The following ALDH4A1 variants were observed in gnomAD, a reference collection of about 807,000 sequenced individuals.
ALDH4A1 encodes the protein aldehyde dehydrogenase 4 family member A1, also known as delta-1-pyrroline-5-carboxylate dehydrogenase, mitochondrial.
In ALDH4A1, 46 loss-of-function variants were observed where a neutral mutation model predicts 70.5. The ratio of observed to expected loss-of-function variants is 0.65; its 90% CI spans 0.51 to 0.83. The LOEUF is 0.83. Among genes scored for constraint, ALDH4A1 ranks in the 40% least tolerant of loss-of-function variants. The probability of loss-of-function intolerance (pLI) is 0.00; values close to 1 mark genes in which losing one functional copy is unlikely to be tolerated. For missense variants in ALDH4A1, 749 were observed against 766.5 expected, an observed-to-expected ratio of 0.98 and a Z score of 0.27; for synonymous variants, 323 against 324.3, an observed-to-expected ratio of 1.00 and a Z score of 0.04.
intron 1 of ALDH4A1, among the ~76,000 whole-genome samples, chr1:18,895,065 T>C (rs1935571960): frequency 6.6e-6 from 1 of 152,138 alleles, no homozygotes; most frequent in Non-Finnish European, 1.5e-5. Context: ...TTATTCCACA[T>C]GGCAACGATG....
chr1:18,875,311 C>A lies in ALDH4A1; in HGVS notation c.1460+71G>T, dbSNP rs569218986. 2.5e-6 allele frequency: 4 copies of A among 1,611,472 alleles called. No individual in the cohort carries two copies. In the African/African-American group the frequency reaches 4.0e-5, roughly 16 times the overall value. ...CAGCATTATTACTGGGAACCACGTC[C>A]AGGAGGTGGGGATGGGGACACGGAC... On this transcript the variant is annotated intron_variant, in intron 13 of 14. Coordinates refer to ENST00000375341, the MANE Select transcript of ALDH4A1 (RefSeq NM_003748.4).
intron 1 of ALDH4A1, among the ~76,000 whole-genome samples, chr1:18,892,894 T>C (rs1316980832): frequency 6.6e-6 from 1 of 152,018 alleles, no homozygotes; most frequent in African/African-American, 2.4e-5. Flanking sequence ...ATGAGAAGAA[T>C]GGAGAGGCAG....
At chr1:18,877,080 G>A (rs1034518189) in intron 11 of ALDH4A1, 128 bp downstream of exon 11, 5 of 1,204,886 alleles carry the variant, frequency 4.1e-6, no homozygotes, top group Non-Finnish European at 6.0e-6. Context: ...TGTGGCTGCT[G>A]AGCTGCCTTG....
chr1:18,886,642 A>G, intron 3 of ALDH4A1, 131 bp from the exon 4 acceptor site: 1 of 980,740 alleles, frequency 1.0e-6, no homozygotes, highest in Non-Finnish European at 1.6e-6. Flanking sequence ...CCCCGCTCCC[A>G]TGAAACCCTC....
chr1:18,883,854 G>A (rs1031177632), intron 5 of ALDH4A1, among the ~76,000 whole-genome samples: 15 of 152,202 alleles, frequency 9.9e-5, no homozygotes, highest in Non-Finnish European at 1.0e-4. Flanking sequence ...AGAGAGACTC[G>A]GTGTGTGGGA....
intron 1 of ALDH4A1, chr1:18,897,281 G>T: frequency 3.0e-6 from 1 of 333,952 alleles, no homozygotes; most frequent in Non-Finnish European, 6.1e-6. Context: ...AGTGGCTCAT[G>T]CCTATAATCC....
At chr1:18,885,841 C>A (rs532691026) in intron 4 of ALDH4A1, among the ~76,000 whole-genome samples, 1 of 152,332 alleles carries the variant, frequency 6.6e-6, no homozygotes. Context: ...AAGGGCCCGG[C>A]CAGGTTGGTC....
chr1:18,882,659 A>G (rs555389844), intron 7 of ALDH4A1: 22 of 542,108 alleles, frequency 4.1e-5, no homozygotes, highest in Non-Finnish European at 8.3e-5. Context: ...CAGAGTCACA[A>G]CTCCCTCTCG....
rs767092438 is a variant in ALDH4A1, at chr1:18,874,438, C to A, written c.1579+25G>T. On this transcript the variant is annotated intron_variant, in intron 14 of 14. Transcript: ENST00000375341. ...GGTCTCCCACCAGGAACTCAGCTCC[C>A]CTGTGGGAAGGGGGACCCACTCACC... 2.5e-6 allele frequency: 4 copies of A among 1,608,088 alleles called. No homozygotes were observed. In the East Asian group the frequency reaches 6.7e-5, roughly 27 times the overall value.
chr1:18,873,004 T>A, intron 14 of ALDH4A1, 47 bp from the exon 15 acceptor site: 1 of 1,504,138 alleles, frequency 6.6e-7, no homozygotes, highest in Non-Finnish European at 9.2e-7. Context: ...TGCAACAGCC[T>A]GGGCAGAAGG....
rs1935299505 is a variant in ALDH4A1 at position 18,888,330 on chromosome 1, A to T, written c.249+1032T>A. Among the ~76,000 whole-genome samples the T allele has an allele frequency of 1.3e-5, 2 of 152,200 alleles. 1 individual carries two copies. Among genetic ancestry groups the T allele is most frequent in the South Asian group, 4.1e-4 (2 of 4,828 alleles). On this transcript the variant is annotated intron_variant, in intron 3 of 14. Transcript: ENST00000375341. The stretch of plus-strand genomic sequence containing the variant: ...AGAAGGTGGCTGCGACCTGGGCCCC[A>T]GTGGACTGCAGAACCCCGTCAGCAC...
At chr1:18,876,830 TG>T (rs1202989644) in intron 11 of ALDH4A1, among the ~76,000 whole-genome samples, 1 of 152,096 alleles carries the variant, frequency 6.6e-6, no homozygotes, top group Non-Finnish European at 1.5e-5. Context: ...TGCGTGTGGG[TG>T]GACTTATCGA....
At chr1:18,874,196 G>A (rs1306148747) in intron 14 of ALDH4A1, among the ~76,000 whole-genome samples, 1 of 152,248 alleles carries the variant, frequency 6.6e-6, no homozygotes, top group East Asian at 1.9e-4. Flanking sequence ...TGGCTATGGT[G>A]CAGAAAGTGC....
chr1:18,878,691 G>A (rs998171445), intron 9 of ALDH4A1, among the ~76,000 whole-genome samples: 1 of 152,206 alleles, frequency 6.6e-6, no homozygotes, highest in Non-Finnish European at 1.5e-5. Context: ...CCTTGAAGAT[G>A]TGCCATGCGT....
In ALDH4A1 at chr1:18,885,553, C is replaced by T. The variant is rs1355942811; in HGVS notation, c.373G>A (p.Ala125Thr). 1 of 1,611,640 alleles carries T rather than the reference C, an allele frequency of 6.2e-7. No individual in the cohort carries two copies. The highest frequency in any genetic ancestry group is 1.7e-5 in the Admixed American group (1 of 59,614). The change falls in exon 5 of 15, where the codon GCC becomes ACC. Residue 125 changes from alanine (A) to threonine (T), a missense_variant. Physicochemically the swap from Ala to Thr is moderately conservative, Grantham distance 58. Transcript: ENST00000375341. Reference sequence around the variant, plus strand: ...TCTGCCGCCTTCAGGAAGATCTGGGCCCGGTCTGCAATAGGCTTCAGGTCC... The same window carrying T: ...TCTGCCGCCTTCAGGAAGATCTGGGTCCGGTCTGCAATAGGCTTCAGGTCC... Reference protein sequence around the residue: ...EWDLKPIADRAQIFLKAADML... With the variant: ...EWDLKPIADRTQIFLKAADML...
At chr1:18,877,085 G>T in intron 11 of ALDH4A1, 123 bp downstream of exon 11, 1 of 1,259,262 alleles carries the variant, frequency 7.9e-7, no homozygotes, top group Non-Finnish European at 1.1e-6. Context: ...CTGCTGAGCT[G>T]CCTTGATCAA....
intron 7 of ALDH4A1, chr1:18,882,745 G>T: frequency 8.7e-6 from 5 of 574,960 alleles, no homozygotes; most frequent in South Asian, 7.0e-5. Context: ...AGCACTGAAG[G>T]TCAGCGGTAA....
At chr1:18,873,409 A>G (rs1312838485) in intron 14 of ALDH4A1, among the ~76,000 whole-genome samples, 1 of 152,140 alleles carries the variant, frequency 6.6e-6, no homozygotes, top group African/African-American at 2.4e-5. Flanking sequence ...TTCTAATCAC[A>G]CATGAGTTTA....
In ALDH4A1 at chr1:18,896,753, C is replaced by T. The variant is rs566877074; in HGVS notation, c.62+5709G>A. Reference sequence around the variant, plus strand: ...ACTAAAAATACAAAAATTAGCTGGACATGGTGGCACATGCCTGTAATCCCA... The same window carrying T: ...ACTAAAAATACAAAAATTAGCTGGATATGGTGGCACATGCCTGTAATCCCA... On this transcript the variant is annotated intron_variant, in intron 1 of 14. Transcript: ENST00000375341. Among the ~76,000 whole-genome samples the T allele has an allele frequency of 3.9e-5, 6 of 152,216 alleles. No homozygotes were observed. The South Asian group carries it at 1.2e-3, about 32-fold the overall frequency.
Sources: gnomAD v4.1 joint callset for allele counts (sites outside exome capture counted in the v4.1 genomes callset) on GRCh38, gnomAD v4.1.1 for gene constraint, MANE v1.5 for transcripts, NCBI Gene and HGNC (gene_info 2026-07-23, HGNC 2026-07-21) for gene names.